The following AFG2A variants were observed in gnomAD, a reference collection of about 807,000 sequenced individuals.
The protein encoded by AFG2A is AAA ATPase AFG2A, also known as ATPase family gene 2 protein homolog A.
the AFG2A span, among the ~76,000 whole-genome samples, chr4:122,977,759 G>A: frequency 6.6e-6 from 1 of 152,238 alleles, no homozygotes; most frequent in South Asian, 2.1e-4. Flanking sequence ...GGTGAGCAAG[G>A]CAGAGAGGAG....
the AFG2A span, chr4:122,979,326 G>A: frequency 1.2e-6 from 2 of 1,614,170 alleles, no homozygotes; most frequent in Non-Finnish European, 1.7e-6. Flanking sequence ...AGGATTTCTT[G>A]CAGGCAATGA....
At chr4:123,282,850 G>GGAA in the AFG2A span, among the ~76,000 whole-genome samples, 110,028 of 151,318 alleles carry the variant, frequency 0.73, 41,066 homozygotes, top group Non-Finnish European at 0.81. Context: ...AAAGATGAGG[G>GGAA]GAAAATACCA....
At chr4:123,100,519 CT>C in the AFG2A span, among the ~76,000 whole-genome samples, 1 of 151,674 alleles carries the variant, frequency 6.6e-6, no homozygotes, top group African/African-American at 2.4e-5. Flanking sequence ...ACTATTTGTC[CT>C]TTTTGCTCTG....
At chr4:123,190,611 T>C in the AFG2A span, among the ~76,000 whole-genome samples, 1 of 152,164 alleles carries the variant, frequency 6.6e-6, no homozygotes, top group Non-Finnish European at 1.5e-5. Context: ...AATAGATTAA[T>C]GGACAGAGGT....
the AFG2A span, among the ~76,000 whole-genome samples, chr4:123,301,787 A>C: frequency 1.3e-5 from 2 of 152,168 alleles, no homozygotes; most frequent in African/African-American, 4.8e-5. Context: ...TTAAATGTAA[A>C]ATCATTTAGG....
the AFG2A span, among the ~76,000 whole-genome samples, chr4:123,135,574 A>C: frequency 6.6e-6 from 1 of 152,220 alleles, no homozygotes; most frequent in Admixed American, 6.5e-5. Context: ...ACTCAGAAAA[A>C]AATGGATAGT....
At chr4:123,022,893 G>A in the AFG2A span, among the ~76,000 whole-genome samples, 2 of 152,174 alleles carry the variant, frequency 1.3e-5, no homozygotes, top group Non-Finnish European at 2.9e-5. Context: ...TAGGGACATG[G>A]ATGAAATTGG....
At chr4:123,129,343 G>T in the AFG2A span, among the ~76,000 whole-genome samples, 1 of 152,168 alleles carries the variant, frequency 6.6e-6, no homozygotes, top group Non-Finnish European at 1.5e-5. Context: ...GCTCATCCCT[G>T]CCGTTTAAGA....
chr4:123,242,911 A>G, the AFG2A span, among the ~76,000 whole-genome samples: 1 of 150,722 alleles, frequency 6.6e-6, no homozygotes, highest in Non-Finnish European at 1.5e-5. Context: ...AAGAAAAAAA[A>G]CAACCCCATC....
At chr4:122,983,182 T>C in the AFG2A span, among the ~76,000 whole-genome samples, 1 of 151,994 alleles carries the variant, frequency 6.6e-6, no homozygotes, top group African/African-American at 2.4e-5. Context: ...ATCTTCTTTC[T>C]TTTTTTTATA....
chr4:123,242,782 C>T, the AFG2A span, among the ~76,000 whole-genome samples: 13 of 152,168 alleles, frequency 8.5e-5, no homozygotes, highest in Admixed American at 2.0e-4. Flanking sequence ...TTCTGCACAG[C>T]GAAAGAAACT....
At chr4:123,209,820 T>C in the AFG2A span, among the ~76,000 whole-genome samples, 1 of 152,112 alleles carries the variant, frequency 6.6e-6, no homozygotes, top group Non-Finnish European at 1.5e-5. Flanking sequence ...CTCCCTGCCC[T>C]AGAACCTCAA....
chr4:122,937,212 G>A, the AFG2A span, among the ~76,000 whole-genome samples: 1 of 152,214 alleles, frequency 6.6e-6, no homozygotes, highest in South Asian at 2.1e-4. Context: ...GTGACGTTAT[G>A]TTTGACCAAG....
the AFG2A span, among the ~76,000 whole-genome samples, chr4:123,113,392 T>TGCCA: frequency 4.1e-5 from 1 of 24,470 alleles, no homozygotes; most frequent in African/African-American, 8.5e-5. Flanking sequence ...TTATCTGTAC[T>TGCCA]GTCAGAGCCT....
the AFG2A span, chr4:123,102,119 G>A: frequency 2.6e-5 from 4 of 151,704 alleles, no homozygotes; most frequent in East Asian, 5.8e-4. Context: ...TATATAAAAG[G>A]ATGTTACTTA....
the AFG2A span, among the ~76,000 whole-genome samples, chr4:122,993,001 T>C: frequency 6.7e-6 from 1 of 148,892 alleles, no homozygotes; most frequent in South Asian, 2.1e-4. Flanking sequence ...TGTATGTATA[T>C]TAGAGATGGA....
the AFG2A span, among the ~76,000 whole-genome samples, chr4:123,301,008 A>G: frequency 6.6e-6 from 1 of 152,172 alleles, no homozygotes; most frequent in African/African-American, 2.4e-5. Flanking sequence ...AAAGGGGGAA[A>G]GCAGGTGTTA....
chr4:123,145,376 C>T, the AFG2A span, among the ~76,000 whole-genome samples: 1 of 152,034 alleles, frequency 6.6e-6, no homozygotes, highest in Non-Finnish European at 1.5e-5. Flanking sequence ...TTCATTTCAT[C>T]TTGTAAATTA....
chr4:123,016,058 G>A, the AFG2A span, among the ~76,000 whole-genome samples: 1 of 13,048 alleles, frequency 7.7e-5, no homozygotes, highest in Non-Finnish European at 3.0e-4. Context: ...CTTCCTTCCC[G>A]GATGGGGCGG....
Sources: allele counts gnomAD v4.1 joint callset (sites outside exome capture counted in the v4.1 genomes callset), GRCh38; gene constraint gnomAD v4.1.1; transcripts MANE v1.5; gene names NCBI Gene and HGNC (gene_info 2026-07-23, HGNC 2026-07-21).